CIP2A: variants seen among roughly 807,000 people sequenced by gnomAD.
CIP2A encodes protein CIP2A.
Under a neutral mutation model 110.9 loss-of-function variants are expected in CIP2A, and 103 were observed. The ratio of observed to expected loss-of-function variants is 0.93; its 90% CI spans 0.79 to 1.09. The LOEUF (loss-of-function observed/expected upper bound fraction) is 1.09. Among genes scored for constraint, CIP2A ranks in the 50% least tolerant of loss-of-function variants. The pLI is 0.00. For missense variants in CIP2A, 1,088 were observed against 1,038.4 expected (o/e 1.05, Z -0.66); for synonymous variants, 381 against 361.6 (o/e 1.05, Z -0.61).
intron 17 of CIP2A, 111 bp downstream of exon 17, chr3:108,557,107 T>A (rs1364131293): frequency 3.3e-6 from 2 of 600,062 alleles, no homozygotes; most frequent in Non-Finnish European, 5.8e-6. Flanking sequence ...TTACCTCATG[T>A]GTTATCAGAA....
rs1433454870 is a variant in CIP2A, at chr3:108,554,458, A to C, written c.2242T>G (p.Leu748Val). 6.5e-7 allele frequency: 1 copy of C among 1,530,326 alleles called. No individual in the cohort carries two copies. The highest frequency in any genetic ancestry group is 9.0e-7 in the Non-Finnish European group (1 of 1,112,832). 94.8% of individuals were successfully genotyped at this position (1,530,326 alleles called of 1,614,324 possible). ...TTCAGAGAATCACATGTGATCTGTA[A>C]ATCTTTATTCTTCTTTTCAGTACTT... is the stretch of plus-strand genomic sequence containing the variant. ...NESTEKKNKD[L>V]QITCDSLNKQ... Residue 748 changes from leucine (L) to valine (V), a missense_variant, in exon 18 of 21, where the codon TTA becomes GTA. Coordinates refer to ENST00000295746, the MANE Select transcript of CIP2A (RefSeq NM_020890.3).
At chr3:108,569,119 A>G (rs1938285697) in intron 9 of CIP2A, among the ~76,000 whole-genome samples, 1 of 128,296 alleles carries the variant, frequency 7.8e-6, no homozygotes, top group African/African-American at 2.8e-5. Flanking sequence ...TCAGGCAACA[A>G]ATTATATAAA....
Position 108,576,303 on chromosome 3 carries a change from G to C in CIP2A, c.862C>G (p.Leu288Val). 1.3e-6 allele frequency: 2 copies of C among 1,566,754 alleles called. No homozygotes were observed. The highest frequency in any genetic ancestry group is 1.7e-6 in the Non-Finnish European group (2 of 1,155,468). The change falls in exon 8 of 21, where the codon CTT (leucine) becomes GTT (valine). Residue 288 changes from leucine to valine, a missense_variant. Leu to Val is a conservative substitution (Grantham distance 32). Coordinates refer to ENST00000295746, the MANE Select transcript of CIP2A (RefSeq NM_020890.3). Reference protein sequence around the residue: ...SSCLHQVLGLLNGKDPDSSSK... With the variant: ...SSCLHQVLGLVNGKDPDSSSK... ...GAGGAATCAGGATCCTTTCCATTAA[G>C]AAGACCTAATACTTGGTGAAGACAT...
intron 17 of CIP2A, 121 bp from the exon 18 acceptor site, chr3:108,554,610 G>GA: frequency 1.8e-6 from 1 of 546,768 alleles, no homozygotes; most frequent in Non-Finnish European, 3.2e-6. Flanking sequence ...GGAAGAGAAG[G>GA]AATGTTATGA....
At chr3:108,552,990 T>C (rs1937628672) in intron 19 of CIP2A, among the ~76,000 whole-genome samples, 1 of 151,638 alleles carries the variant, frequency 6.6e-6, no homozygotes, top group Non-Finnish European at 1.5e-5. Context: ...GGTGATGAGA[T>C]CCATACCCCA....
chr3:108,565,885 A>G (rs1157981691), intron 11 of CIP2A, among the ~76,000 whole-genome samples: 1 of 151,846 alleles, frequency 6.6e-6, no homozygotes, highest in South Asian at 2.1e-4. Flanking sequence ...ATATAAAAAC[A>G]GATAATTCTT....
intron 1 of CIP2A, among the ~76,000 whole-genome samples, chr3:108,588,608 A>G (rs1939173072): frequency 6.6e-6 from 1 of 152,232 alleles, no homozygotes; most frequent in Non-Finnish European, 1.5e-5. Context: ...AACTGAGGTC[A>G]ATGTTAGTTT....
chr3:108,567,581 T>C (rs1238079400), intron 10 of CIP2A, among the ~76,000 whole-genome samples: 1 of 151,900 alleles, frequency 6.6e-6, no homozygotes, highest in Non-Finnish European at 1.5e-5. Context: ...AATCAGTATA[T>C]AGAAGTTAAG....
chr3:108,564,208 C>T (rs553020472), intron 12 of CIP2A, among the ~76,000 whole-genome samples: 1 of 151,938 alleles, frequency 6.6e-6, no homozygotes, highest in African/African-American at 2.4e-5. Context: ...AGTTTGTAGT[C>T]GAGGAAATTG....
intron 14 of CIP2A, among the ~76,000 whole-genome samples, chr3:108,560,331 C>T (rs1190906397): frequency 6.6e-6 from 1 of 152,036 alleles, no homozygotes; most frequent in Non-Finnish European, 1.5e-5. Flanking sequence ...GCCAACACGT[C>T]CAGCTAATTT....
Position 108,576,279 on chromosome 3 carries a change from A to G in CIP2A, c.886T>C (p.Ser296Pro). ...GLLNGKDPDS[S>P]SKVLELLLAF... ...GTCATGTTTTTACATACCTTTGAAG[A>G]GGAATCAGGATCCTTTCCATTAAGA... The change falls in exon 8 of 21, where the codon TCT becomes CCT. Residue 296 changes from serine (S) to proline (P), a missense_variant. Transcript: ENST00000295746. 6.4e-7 allele frequency: 1 copy of G among 1,552,838 alleles called. No individual in the cohort carries two copies.
At chr3:108,574,687 T>C (rs1016182006) in intron 8 of CIP2A, 1 of 152,510 alleles carries the variant, frequency 6.6e-6, no homozygotes, top group African/African-American at 2.4e-5. Flanking sequence ...CTAAGAAACC[T>C]GAGAGACAGC....
In CIP2A at chr3:108,557,408, TCCGTG is replaced by T; in HGVS notation, c.2015_2019del (p.Ala672AspfsTer4). 1 of 1,579,924 alleles carries T rather than the reference TCCGTG, an allele frequency of 6.3e-7. No individual in the cohort carries two copies. On this transcript the variant is annotated frameshift_variant and splice_region_variant, in exon 17 of 21. Transcript: ENST00000295746. LOFTEE classifies it high-confidence loss of function. ...ACTTCTCTCAACATACTAGCAAGTG[TCCGTG>T]CCTCAAAAAAAAAAAGAAGATAGAC... is the stretch of plus-strand genomic sequence containing the variant.
At chr3:108,581,537 T>C (rs1286907500) in intron 4 of CIP2A, 26 bp from the exon 5 acceptor site, 1 of 1,412,948 alleles carries the variant, frequency 7.1e-7, no homozygotes. Context: ...GGTGTTTTGT[T>C]TAAAGAAAAA....
intron 4 of CIP2A, 92 bp from the exon 5 acceptor site, chr3:108,581,603 T>A (rs1938881906): frequency 1.4e-6 from 1 of 732,422 alleles, no homozygotes; most frequent in Non-Finnish European, 2.3e-6. Context: ...TATAGTTAAG[T>A]TTATACATTT....
intron 7 of CIP2A, 152 bp downstream of exon 7, chr3:108,579,129 A>G: frequency 1.8e-6 from 1 of 564,098 alleles, no homozygotes; most frequent in Non-Finnish European, 3.1e-6. Flanking sequence ...GAAAGAAAAA[A>G]GAGTGTGAGT....
chr3:108,589,191 T>C, intron 1 of CIP2A, 83 bp downstream of exon 1: 1 of 995,402 alleles, frequency 1.0e-6, no homozygotes, highest in Non-Finnish European at 1.6e-6. Flanking sequence ...TTTCCCAGGC[T>C]GGGGCCGCCA....
chr3:108,569,012 C>T (rs1311066108), intron 9 of CIP2A, among the ~76,000 whole-genome samples: 3 of 151,060 alleles, frequency 2.0e-5, no homozygotes, highest in Non-Finnish European at 3.0e-5. Flanking sequence ...ATTTCACTGA[C>T]TGAATCCAAT....
In CIP2A at chr3:108,550,635, A is replaced by G. The variant is rs1167845578; in HGVS notation, c.*514T>C. On this transcript the variant is annotated 3_prime_UTR_variant, in exon 21 of 21. Coordinates refer to ENST00000295746, the MANE Select transcript of CIP2A (RefSeq NM_020890.3). ...CTACAGCAGTATAAAAATTATTTTA[A>G]ATTCACTAATATTTTCTTTTGTGCT... 2.6e-5 allele frequency: 4 copies of G among 151,842 alleles called. No homozygotes were observed. The East Asian group carries it at 7.7e-4, about 29-fold the overall frequency. The allele number at this position is 151,842 out of a possible 1,614,324, so 9.4% of individuals were successfully genotyped here. A position where few individuals can be genotyped will look rare whatever the true frequency, so the allele number is the denominator to read the frequency against.
Sources: gnomAD v4.1 joint callset for allele counts (sites outside exome capture counted in the v4.1 genomes callset) on GRCh38, gnomAD v4.1.1 for gene constraint, MANE v1.5 for transcripts, NCBI Gene and HGNC (gene_info 2026-07-23, HGNC 2026-07-21) for gene names.